The following RELN variants were observed in gnomAD, a reference collection of about 807,000 sequenced individuals.
The protein encoded by RELN is reelin.
Under a neutral mutation model 427.6 loss-of-function variants are expected in RELN, and 108 were observed. That is an observed-to-expected ratio of 0.25 (90% CI 0.22 to 0.30). The LOEUF is 0.30. RELN is among the 10% of genes least tolerant of loss of function. RELN has a pLI of 1.00. For missense variants in RELN, 3,715 were observed against 4,302.8 expected (o/e 0.86, Z 3.82); for synonymous variants, 1,524 against 1,513.4 (o/e 1.01, Z -0.16).
intron 3 of RELN, among the ~76,000 whole-genome samples, chr7:103,826,293 T>G (rs1793135914): frequency 7.2e-6 from 1 of 139,616 alleles, no homozygotes; most frequent in Non-Finnish European, 1.6e-5. Flanking sequence ...GGTATTCTGT[T>G]ACAGAAGCAC....
At chr7:103,972,934 T>C (rs1442289838) in intron 1 of RELN, among the ~76,000 whole-genome samples, 5 of 134,880 alleles carry the variant, frequency 3.7e-5, no homozygotes, top group Admixed American at 2.2e-4. Flanking sequence ...CAAGATTAGA[T>C]AGAAAAACTT....
chr7:103,481,491 G>A (rs1828235891), intron 63 of RELN, among the ~76,000 whole-genome samples: 1 of 152,160 alleles, frequency 6.6e-6, no homozygotes, highest in South Asian at 2.1e-4. Context: ...ACCAGTTTAT[G>A]AGAATCACCT....
chr7:103,747,650 T>C (rs1252862045), intron 6 of RELN, among the ~76,000 whole-genome samples: 1 of 150,920 alleles, frequency 6.6e-6, no homozygotes, highest in Non-Finnish European at 1.5e-5. Flanking sequence ...CACTTTTTTT[T>C]TTTTTTTTTT....
chr7:103,975,712 ATT>A (rs1187478144), intron 1 of RELN, among the ~76,000 whole-genome samples: 13 of 122,014 alleles, frequency 1.1e-4, no homozygotes, highest in African/African-American at 2.2e-4. Flanking sequence ...CGCCTGGCTG[ATT>A]TTTTTTTTTT....
At chr7:103,805,481 T>C (rs764935811) in intron 3 of RELN, among the ~76,000 whole-genome samples, 2 of 152,172 alleles carry the variant, frequency 1.3e-5, no homozygotes, top group Non-Finnish European at 2.9e-5. Flanking sequence ...TGAACTCTGT[T>C]TTCAATGTTC....
At position 103,640,442 on chromosome 7, in the gene RELN, AG is replaced by A. The variant is rs1832673184; in HGVS notation, c.2069+100del. 13 of 1,187,110 alleles carry A rather than the reference AG, an allele frequency of 1.1e-5. No homozygotes were observed. In the East Asian group the frequency reaches 3.1e-4, roughly 28 times the overall value. The allele number at this position is 1,187,110 out of a possible 1,614,324, so 73.5% of individuals were successfully genotyped here. A position where few individuals can be genotyped will look rare whatever the true frequency, so the allele number is the denominator to read the frequency against. ...AAATATCCAACTTTTTGTCTTAAAA[AG>A]ATCCCCGATCCTAAAAAAGGTTATT... On this transcript the variant is annotated intron_variant, in intron 17 of 64. Coordinates refer to ENST00000428762, the MANE Select transcript of RELN (RefSeq NM_005045.4). The surrounding 1 kb of genome is among the most constrained non-coding windows in gnomAD (Gnocchi z 4.1).
At chr7:103,776,659 T>C (rs1477890620) in intron 3 of RELN, 32 bp from the exon 4 acceptor site, 1 of 1,602,428 alleles carries the variant, frequency 6.2e-7, no homozygotes, top group Non-Finnish European at 8.6e-7. Context: ...TTAATTCAAC[T>C]CTTGTAATAT....
At chr7:103,667,601 G>A (rs1443874157) in intron 11 of RELN, among the ~76,000 whole-genome samples, 1 of 152,070 alleles carries the variant, frequency 6.6e-6, no homozygotes, top group Non-Finnish European at 1.5e-5. Context: ...GTGTCTCTAA[G>A]CAATATATTT....
At position 103,755,815 on chromosome 7, in the gene RELN, G is replaced by GA. The variant is rs4006762; in HGVS notation, c.545-2602dup. 2.4e-3 allele frequency among the ~76,000 whole-genome samples: 249 copies of GA among 103,630 alleles called. 8 individuals carry two copies. The highest frequency in any genetic ancestry group is 7.4e-3 in the African/African-American group (202 of 27,144). 68.0% of individuals were successfully genotyped at this position (103,630 alleles called of 152,430 possible). ...GGGACAGAGTGAGACTCCACCTCAA[G>GA]AAAAAAAAAAAAAAAAGATATCATG... On this transcript the variant is annotated intron_variant, in intron 4 of 64. Coordinates refer to ENST00000428762, the MANE Select transcript of RELN (RefSeq NM_005045.4).
At chr7:103,628,472 C>T (rs553996875) in intron 20 of RELN, 1 of 152,272 alleles carries the variant, frequency 6.6e-6, no homozygotes, top group East Asian at 1.9e-4. Context: ...TCATTCTATC[C>T]AGTTTGACAG....
intron 2 of RELN, among the ~76,000 whole-genome samples, chr7:103,852,762 A>T: frequency 6.6e-6 from 1 of 152,150 alleles, no homozygotes; most frequent in South Asian, 2.1e-4. Flanking sequence ...TAGAGTTCAA[A>T]TGTGTATCAT....
intron 31 of RELN, among the ~76,000 whole-genome samples, chr7:103,571,262 G>A (rs1023715617): frequency 2.0e-5 from 3 of 152,138 alleles, no homozygotes; most frequent in East Asian, 1.9e-4. Flanking sequence ...CTGAGACCAC[G>A]GTTTGGAGGA....
At chr7:103,952,821 C>G (rs1013335836) in intron 1 of RELN, among the ~76,000 whole-genome samples, 3 of 152,188 alleles carry the variant, frequency 2.0e-5, no homozygotes, top group Non-Finnish European at 2.9e-5. Flanking sequence ...CAATACATCT[C>G]TCAAAACACT....
chr7:103,813,175 T>G (rs997969713), intron 3 of RELN, among the ~76,000 whole-genome samples: 2 of 152,110 alleles, frequency 1.3e-5, no homozygotes, highest in East Asian at 3.9e-4. Context: ...TTTCTACATA[T>G]TAATACATGG....
chr7:103,537,911 T>C (rs1830090538), intron 45 of RELN, among the ~76,000 whole-genome samples: 1 of 152,250 alleles, frequency 6.6e-6, no homozygotes, highest in African/African-American at 2.4e-5. Flanking sequence ...CCCTAACTTC[T>C]TAGATTGGCC....
chr7:103,483,031 T>A, intron 62 of RELN, 60 bp from the exon 63 acceptor site: 1 of 1,349,494 alleles, frequency 7.4e-7, no homozygotes. Context: ...TTTTTGGTAT[T>A]TGACTTCTAG....
intron 3 of RELN, among the ~76,000 whole-genome samples, chr7:103,823,788 C>G: frequency 6.6e-6 from 1 of 152,064 alleles, no homozygotes; most frequent in East Asian, 1.9e-4. Flanking sequence ...GTATCCTACA[C>G]CTTCCTTCTG....
intron 2 of RELN, among the ~76,000 whole-genome samples, chr7:103,850,863 G>C (rs961872152): frequency 6.6e-6 from 1 of 152,180 alleles, no homozygotes; most frequent in Non-Finnish European, 1.5e-5. Context: ...GCAGTGTACA[G>C]GGAATGCTTC....
chr7:103,551,389 C>T (rs1830407930), intron 40 of RELN, 93 bp from the exon 41 acceptor site: 1 of 879,132 alleles, frequency 1.1e-6, no homozygotes, highest in African/African-American at 1.7e-5. Flanking sequence ...GTCCATTTTC[C>T]TGGGAACTGT....
Sources: gnomAD v4.1 joint callset for allele counts (sites outside exome capture counted in the v4.1 genomes callset) on GRCh38, gnomAD v4.1.1 for gene constraint, Gnocchi (gnomAD v3.1) non-coding constraint, MANE v1.5 for transcripts, NCBI Gene and HGNC (gene_info 2026-07-23, HGNC 2026-07-21) for gene names.